The following TOX variants were observed in gnomAD, a reference collection of about 807,000 sequenced individuals.
TOX encodes the protein thymocyte selection associated high mobility group box.
In TOX, 11 loss-of-function variants were observed where a neutral mutation model predicts 53.7. The ratio of observed to expected loss-of-function variants is 0.20; its 90% CI spans 0.13 to 0.34. The LOEUF (loss-of-function observed/expected upper bound fraction) is 0.34. Ranked by LOEUF, TOX falls within the 10% of genes least tolerant of loss-of-function variation. The pLI, the probability that TOX is intolerant of heterozygous loss-of-function variation, is 1.00. For missense variants in TOX, 570 were observed against 664.6 expected (o/e 0.86, Z 1.56); for synonymous variants, 225 against 245.3 (o/e 0.92, Z 0.77).
intron 3 of TOX, among the ~76,000 whole-genome samples, chr8:58,905,385 C>A (rs1224494852): frequency 6.6e-6 from 1 of 152,194 alleles, no homozygotes; most frequent in Non-Finnish European, 1.5e-5. Flanking sequence ...CTTTGACAGG[C>A]AATGTTTACC....
At chr8:58,973,112 C>T (rs1226655936) in intron 1 of TOX, among the ~76,000 whole-genome samples, 1 of 152,122 alleles carries the variant, frequency 6.6e-6, no homozygotes, top group African/African-American at 2.4e-5. Context: ...AACAATGTTG[C>T]CTTTTCTTCA....
intron 1 of TOX, among the ~76,000 whole-genome samples, chr8:59,049,878 C>A (rs1392802244): frequency 6.6e-6 from 1 of 152,016 alleles, no homozygotes; most frequent in Non-Finnish European, 1.5e-5. Context: ...GGAATGTAGT[C>A]AAAGAAGAGA....
At chr8:59,036,623 C>T (rs1814463697) in intron 1 of TOX, among the ~76,000 whole-genome samples, 1 of 152,136 alleles carries the variant, frequency 6.6e-6, no homozygotes, top group Admixed American at 6.6e-5. Context: ...CATGAAAATA[C>T]CATCAATCAA....
Position 58,808,111 on chromosome 8 carries a change from C to T in TOX, c.1544+7G>A, listed in dbSNP as rs1402370002. On this transcript the variant is annotated splice_region_variant and intron_variant, in intron 8 of 8. Transcript: ENST00000361421. ...CCACCACCAGGTGGCGATGACCGGC[C>T]GCTTACCCACTACTGCAGTAGTCGT... 5.6e-6 allele frequency: 9 copies of T among 1,606,366 alleles called. No individual in the cohort carries two copies. The highest frequency in any genetic ancestry group is 7.6e-6 in the Non-Finnish European group (9 of 1,176,814).
chr8:59,008,854 C>T (rs826595), intron 1 of TOX, among the ~76,000 whole-genome samples: 137,561 of 152,288 alleles, frequency 0.9, 62,268 homozygotes, highest in Admixed American at 0.92. Flanking sequence ...ATTTGGCACA[C>T]TACAAATCAG....
chr8:58,811,489 A>G (rs1016871451), intron 7 of TOX, among the ~76,000 whole-genome samples: 2 of 152,232 alleles, frequency 1.3e-5, no homozygotes, highest in Non-Finnish European at 2.9e-5. Flanking sequence ...AGCACAACCA[A>G]ACAGTGATCC....
At chr8:58,815,815 C>T in intron 6 of TOX, 91 bp from the exon 7 acceptor site, 1 of 1,403,794 alleles carries the variant, frequency 7.1e-7, no homozygotes, top group Non-Finnish European at 9.5e-7. Context: ...AAAGCACCTT[C>T]CCTGGAATCC....
At chr8:59,001,093 T>C (rs1813681006) in intron 1 of TOX, among the ~76,000 whole-genome samples, 1 of 152,186 alleles carries the variant, frequency 6.6e-6, no homozygotes, top group African/African-American at 2.4e-5. Context: ...TGTAATAGTC[T>C]CTCAAGCAGA....
intron 3 of TOX, among the ~76,000 whole-genome samples, chr8:58,932,118 C>T (rs946406120): frequency 2.0e-5 from 3 of 151,990 alleles, no homozygotes; most frequent in Non-Finnish European, 2.9e-5. Context: ...CTATTCTTGG[C>T]CTTATTAAGA....
chr8:58,920,719 A>AT (rs1351182677), intron 3 of TOX, among the ~76,000 whole-genome samples: 19 of 28,672 alleles, frequency 6.6e-4, no homozygotes, highest in South Asian at 2.3e-3. Flanking sequence ...AAAAAAAAAC[A>AT]TTAAAAAAAA....
intron 2 of TOX, among the ~76,000 whole-genome samples, chr8:58,955,973 G>T (rs905141759): frequency 5.3e-5 from 8 of 151,986 alleles, no homozygotes; most frequent in Non-Finnish European, 8.8e-5. Context: ...GACCTCAGGT[G>T]ATCCGCCCAC....
intron 1 of TOX, among the ~76,000 whole-genome samples, chr8:59,079,184 C>G (rs193003091): frequency 6.6e-6 from 1 of 152,214 alleles, no homozygotes; most frequent in East Asian, 1.9e-4. Flanking sequence ...TAAAAGTTTG[C>G]AAAATTTGCA....
At chr8:58,957,254 T>TA (rs1812724958) in intron 2 of TOX, among the ~76,000 whole-genome samples, 1 of 152,180 alleles carries the variant, frequency 6.6e-6, no homozygotes, top group East Asian at 1.9e-4. Flanking sequence ...ATGTTTCAAT[T>TA]AAAGCACTGA....
chr8:58,934,251 T>C (rs1159523810), intron 3 of TOX, among the ~76,000 whole-genome samples: 1 of 152,144 alleles, frequency 6.6e-6, no homozygotes, highest in Non-Finnish European at 1.5e-5. Flanking sequence ...ATTTAACTAG[T>C]TGCAGGAATC....
At chr8:58,847,859 C>T (rs962996466) in intron 4 of TOX, among the ~76,000 whole-genome samples, 6 of 151,992 alleles carry the variant, frequency 3.9e-5, no homozygotes, top group East Asian at 1.9e-4. Flanking sequence ...ATCTTCAAAA[C>T]GCTGAAAGAA....
At chr8:59,088,520 G>A (rs1804552501) in intron 1 of TOX, among the ~76,000 whole-genome samples, 2 of 152,174 alleles carry the variant, frequency 1.3e-5, no homozygotes, top group Admixed American at 1.3e-4. Flanking sequence ...AGAATTCAAG[G>A]CAAAGTTTGG....
intron 6 of TOX, among the ~76,000 whole-genome samples, chr8:58,821,781 T>C (rs1810280547): frequency 6.6e-6 from 1 of 152,226 alleles, no homozygotes; most frequent in Non-Finnish European, 1.5e-5. Context: ...GCTTATTTTA[T>C]CCTCATGGAA....
At chr8:59,056,649 C>A (rs1803893830) in intron 1 of TOX, among the ~76,000 whole-genome samples, 1 of 152,156 alleles carries the variant, frequency 6.6e-6, no homozygotes, top group East Asian at 1.9e-4. Context: ...TAGTCTGTGT[C>A]ATTCGTTATA....
chr8:59,108,664 A>G (rs1316649950), intron 1 of TOX, among the ~76,000 whole-genome samples: 2 of 149,298 alleles, frequency 1.3e-5, no homozygotes, highest in East Asian at 1.9e-4. Flanking sequence ...AAACACACAC[A>G]CACACACACA....
Sources: allele counts gnomAD v4.1 joint callset (sites outside exome capture counted in the v4.1 genomes callset), GRCh38; gene constraint gnomAD v4.1.1; transcripts MANE v1.5; gene names NCBI Gene and HGNC (gene_info 2026-07-23, HGNC 2026-07-21).